Variants in ESR1 observed in about 807,000 individuals in gnomAD.
The protein encoded by ESR1 is estrogen receptor 1, also known as estrogen receptor.
Under a neutral mutation model 52.7 loss-of-function variants are expected in ESR1, and 12 were observed. The observed-to-expected ratio is 0.23, with a 90% confidence interval of 0.15 to 0.37. The LOEUF is 0.37. ESR1 is among the 10% of genes least tolerant of loss of function. ESR1 has a pLI of 1.00. For synonymous variants in ESR1, 305 were observed against 316.8 expected, an observed-to-expected ratio of 0.96 and a Z score of 0.39; for missense variants, 584 against 779.7, an observed-to-expected ratio of 0.75 and a Z score of 2.99.
intron 3 of ESR1, among the ~76,000 whole-genome samples, chr6:151,937,844 C>T (rs549828849): frequency 1.3e-5 from 2 of 152,216 alleles, no homozygotes; most frequent in East Asian, 3.9e-4. Flanking sequence ...CTGTGCTGCC[C>T]GTGGTATGAC....
At chr6:151,669,173 AGAGAGAGAGAGAGAGATGGG>A (rs1777948608) in intron 1 of ESR1, among the ~76,000 whole-genome samples, 1 of 122,788 alleles carries the variant, frequency 8.1e-6, no homozygotes, top group Non-Finnish European at 1.7e-5. Flanking sequence ...AGAGAGAGAG[AGAGAGAGAGAGAGAGATGGG>A]AATCCAGGGG....
At chr6:152,122,328 A>G in intron 6 of ESR1, 1 of 1,586,458 alleles carries the variant, frequency 6.3e-7, no homozygotes, top group Non-Finnish European at 8.6e-7. Flanking sequence ...AAGCTGCCAC[A>G]CCGAGGGCTT....
intron 5 of ESR1, among the ~76,000 whole-genome samples, chr6:152,015,333 C>G (rs1005810737): frequency 2.0e-5 from 3 of 152,174 alleles, no homozygotes; most frequent in Non-Finnish European, 4.4e-5. Flanking sequence ...AATCTTCCTT[C>G]AAACTTTCTC....
At chr6:152,062,213 T>C (rs959368407) in intron 6 of ESR1, among the ~76,000 whole-genome samples, 1 of 152,152 alleles carries the variant, frequency 6.6e-6, no homozygotes, top group Non-Finnish European at 1.5e-5. Context: ...CTAACAATTT[T>C]TTACTTTTCT....
chr6:151,819,454 C>A (rs749121984), intron 1 of ESR1, among the ~76,000 whole-genome samples: 24 of 152,168 alleles, frequency 1.6e-4, no homozygotes, highest in Non-Finnish European at 3.1e-4. Flanking sequence ...TGCTCCCCAT[C>A]GCTTGCATTA....
At position 152,122,626 on chromosome 6, in the gene ESR1, C is replaced by A. The variant is rs2295192; in HGVS notation, c.851-2640C>A. On this transcript the variant is annotated intron_variant, in intron 6 of 6. Transcript: ENST00000427531. ...TCTGAACAGGAAGCCGCGGCCGGAC[C>A]GACCTGGCCCTGGCTCAGAAAGGGA... 125 of 1,613,958 alleles carry A rather than the reference C, an allele frequency of 7.7e-5. 1 individual carries two copies. Among genetic ancestry groups the A allele is most frequent in the Admixed American group, 2.7e-4 (16 of 60,006 alleles).
chr6:151,957,172 C>T (rs116215271), intron 4 of ESR1, among the ~76,000 whole-genome samples: 9,791 of 152,052 alleles, frequency 0.064, 357 homozygotes, highest in African/African-American at 0.094. Context: ...CCACCACGTG[C>T]GACCCACATG....
chr6:151,976,505 T>A (rs2039451541), intron 4 of ESR1, among the ~76,000 whole-genome samples: 1 of 152,154 alleles, frequency 6.6e-6, no homozygotes, highest in South Asian at 2.1e-4. Flanking sequence ...CCTTTTTGGT[T>A]TTAGAGGTTC....
At chr6:151,749,936 C>T (rs1037982664) in intron 2 of ESR1, among the ~76,000 whole-genome samples, 2 of 152,052 alleles carry the variant, frequency 1.3e-5, no homozygotes, top group African/African-American at 4.8e-5. Flanking sequence ...AATATGATTT[C>T]AACACTCAGC....
chr6:151,689,759 T>C (rs1778829460), upstream of ESR1, among the ~76,000 whole-genome samples: 1 of 152,096 alleles, frequency 6.6e-6, no homozygotes, highest in Non-Finnish European at 1.5e-5. Flanking sequence ...TCAAGGCTTG[T>C]AGAGAAGAAA....
At chr6:151,781,753 T>A (rs1049971127) in intron 2 of ESR1, among the ~76,000 whole-genome samples, 2 of 152,088 alleles carry the variant, frequency 1.3e-5, no homozygotes, top group African/African-American at 4.8e-5. Context: ...GAATAAAATA[T>A]CTTCCTACTA....
At chr6:151,856,818 A>G (rs1332941922) in intron 2 of ESR1, among the ~76,000 whole-genome samples, 1 of 152,098 alleles carries the variant, frequency 6.6e-6, no homozygotes, top group East Asian at 1.9e-4. Context: ...GTGCTAGCAT[A>G]ACTTTGGGGA....
chr6:151,719,177 A>G (rs1208870915), intron 2 of ESR1, among the ~76,000 whole-genome samples: 3 of 152,204 alleles, frequency 2.0e-5, no homozygotes, highest in Non-Finnish European at 4.4e-5. Context: ...CGTTGTTTAC[A>G]TCTCGTGGTG....
rs1030479689 is a variant in ESR1 at position 151,673,170 on chromosome 6, T to A, written n.73+16407T>A. On this transcript the variant is annotated intron_variant and non_coding_transcript_variant, in intron 1 of 2. Coordinates refer to the ESR1 transcript ENST00000473497. ...ATGGTTGATGGATAGATGAAAAAAA[T>A]TCTCTAATTGAAAGACATAAGGATC... 5.3e-5 allele frequency among the ~76,000 whole-genome samples: 8 copies of A among 152,188 alleles called. No homozygotes were observed. The East Asian group carries it at 1.5e-3, about 29-fold the overall frequency.
chr6:151,877,846 G>C (rs1383745758), intron 2 of ESR1, among the ~76,000 whole-genome samples: 1 of 151,718 alleles, frequency 6.6e-6, no homozygotes, highest in Non-Finnish European at 1.5e-5. Flanking sequence ...GTCTCGCTCT[G>C]TTGTCCATGC....
At chr6:151,787,759 G>A (rs1318584647) in intron 2 of ESR1, among the ~76,000 whole-genome samples, 2 of 152,088 alleles carry the variant, frequency 1.3e-5, no homozygotes, top group Non-Finnish European at 2.9e-5. Flanking sequence ...ACACTATGGG[G>A]TTTTCTAAAT....
At chr6:152,079,437 G>T (rs2049012540) in intron 6 of ESR1, among the ~76,000 whole-genome samples, 1 of 152,144 alleles carries the variant, frequency 6.6e-6, no homozygotes, top group South Asian at 2.1e-4. Context: ...GAAAGGAATA[G>T]CATCAACATC....
chr6:151,733,593 G>A (rs1583056407), intron 2 of ESR1, among the ~76,000 whole-genome samples: 1 of 152,238 alleles, frequency 6.6e-6, no homozygotes, highest in East Asian at 1.9e-4. Context: ...TACGAAATTT[G>A]TGTTGTCCCC....
At chr6:151,838,392 C>A (rs1442122725) in intron 1 of ESR1, among the ~76,000 whole-genome samples, 1 of 152,162 alleles carries the variant, frequency 6.6e-6, no homozygotes, top group Non-Finnish European at 1.5e-5. Flanking sequence ...TGGGACTGAT[C>A]TAGCCATAGG....
Sources: allele counts gnomAD v4.1 joint callset (sites outside exome capture counted in the v4.1 genomes callset), GRCh38; gene constraint gnomAD v4.1.1; transcripts MANE v1.5; gene names NCBI Gene and HGNC (gene_info 2026-07-23, HGNC 2026-07-21).